The following IL1RAPL1 variants were observed in gnomAD, a reference collection of about 807,000 sequenced individuals.
The protein encoded by IL1RAPL1 is interleukin-1 receptor accessory protein-like 1.
Under a neutral mutation model 48.4 loss-of-function variants are expected in IL1RAPL1, and 3 were observed. The ratio of observed to expected loss-of-function variants is 0.06; its 90% CI spans 0.03 to 0.16. IL1RAPL1 has a LOEUF of 0.16. Ranked by LOEUF, IL1RAPL1 falls within the 10% of genes least tolerant of loss-of-function variation. The probability of loss-of-function intolerance (pLI) is 1.00; values close to 1 mark genes in which losing one functional copy is unlikely to be tolerated. For missense variants in IL1RAPL1, 349 were observed against 530.6 expected (o/e 0.66, Z 3.36); for synonymous variants, 185 against 187.7 (o/e 0.99, Z 0.12).
intron 1 of IL1RAPL1, among the ~76,000 whole-genome samples, chrX:28,722,019 C>G (rs1935590496): frequency 9.0e-6 from 1 of 111,393 alleles, no homozygotes; most frequent in Non-Finnish European, 1.9e-5. Flanking sequence ...AGTTTGAAGT[C>G]AGGTAGCATG....
chrX:29,648,522 A>G (rs1432098060), intron 5 of IL1RAPL1, among the ~76,000 whole-genome samples: 8 of 111,995 alleles, frequency 7.1e-5, no homozygotes. Flanking sequence ...AAATTAAACA[A>G]CATGCCCCTG....
chrX:29,629,090 A>C (rs1363404870), intron 5 of IL1RAPL1, among the ~76,000 whole-genome samples: 1 of 112,170 alleles, frequency 8.9e-6, no homozygotes, highest in Non-Finnish European at 1.9e-5. Flanking sequence ...AGCCTCTAGG[A>C]ATAAAGATTT....
At chrX:29,572,106 G>A (rs961941132) in intron 5 of IL1RAPL1, among the ~76,000 whole-genome samples, 2 of 111,642 alleles carry the variant, frequency 1.8e-5, no homozygotes, top group African/African-American at 3.3e-5. Context: ...TTTATTTTTC[G>A]TGTCTCTAGT....
At chrX:28,764,236 G>A (rs1266173234) in intron 1 of IL1RAPL1, among the ~76,000 whole-genome samples, 4 of 111,391 alleles carry the variant, frequency 3.6e-5, no homozygotes, top group South Asian at 7.6e-4. Flanking sequence ...ATGGGGCCAC[G>A]AGAATTCCAG....
At chrX:29,535,670 A>G (rs1369810466) in intron 5 of IL1RAPL1, among the ~76,000 whole-genome samples, 1 of 112,430 alleles carries the variant, frequency 8.9e-6, no homozygotes, top group Non-Finnish European at 1.9e-5. Context: ...TAAGGAGAAC[A>G]CAAGAAACAG....
chrX:29,068,576 A>T (rs1927497715), intron 2 of IL1RAPL1, among the ~76,000 whole-genome samples: 1 of 112,636 alleles, frequency 8.9e-6, no homozygotes, highest in Non-Finnish European at 1.9e-5. Context: ...TTTTCCAGGT[A>T]CAGAGAGATG....
chrX:28,695,448 CA>C (rs1056272044), intron 1 of IL1RAPL1, among the ~76,000 whole-genome samples: 3 of 111,460 alleles, frequency 2.7e-5, no homozygotes, highest in Non-Finnish European at 5.7e-5. Context: ...TTCTTAAATA[CA>C]AAAATCTATA....
chrX:29,367,552 T>TTATTTTTATTTATTTA (rs758434894), intron 3 of IL1RAPL1, among the ~76,000 whole-genome samples: 12 of 98,515 alleles, frequency 1.2e-4, no homozygotes, highest in African/African-American at 4.6e-4. Context: ...TTCTATTTAT[T>TTATTTTTATTTATTTA]TTTATTTATT....
At chrX:29,126,427 T>C (rs1928901539) in intron 2 of IL1RAPL1, among the ~76,000 whole-genome samples, 1 of 112,462 alleles carries the variant, frequency 8.9e-6, no homozygotes, top group Admixed American at 9.4e-5. Flanking sequence ...CGCTCTCACA[T>C]ATTAAACTAC....
chrX:29,045,452 A>G (rs1602027343), intron 2 of IL1RAPL1, among the ~76,000 whole-genome samples: 1 of 111,810 alleles, frequency 8.9e-6, no homozygotes, highest in Non-Finnish European at 1.9e-5. Flanking sequence ...TTCATCGTAC[A>G]TGTACATATT....
chrX:29,127,900 G>A (rs1928931924), intron 2 of IL1RAPL1, among the ~76,000 whole-genome samples: 1 of 108,938 alleles, frequency 9.2e-6, no homozygotes, highest in Admixed American at 9.9e-5. Flanking sequence ...GGAGGCAGAG[G>A]TTGCAGTGAG....
intron 1 of IL1RAPL1, among the ~76,000 whole-genome samples, chrX:28,628,932 T>C (rs1934370643): frequency 8.9e-6 from 1 of 112,417 alleles, no homozygotes; most frequent in Non-Finnish European, 1.9e-5. Flanking sequence ...TAATTCTTAT[T>C]CTCTAACTCA....
chrX:29,418,090 A>T (rs1212340722), intron 5 of IL1RAPL1, among the ~76,000 whole-genome samples: 59 of 51,044 alleles, frequency 1.2e-3, no homozygotes, highest in Non-Finnish European at 1.8e-3. Flanking sequence ...TTAAAAAAGT[A>T]ATATATATAT....
At chrX:28,850,825 C>A (rs1035853604) in intron 2 of IL1RAPL1, among the ~76,000 whole-genome samples, 1 of 106,590 alleles carries the variant, frequency 9.4e-6, no homozygotes, top group African/African-American at 3.5e-5. Flanking sequence ...AACTTATATA[C>A]CCCTATGGTT....
At chrX:29,903,691 T>C (rs1932547646) in intron 6 of IL1RAPL1, among the ~76,000 whole-genome samples, 1 of 111,863 alleles carries the variant, frequency 8.9e-6, no homozygotes, top group South Asian at 3.8e-4. Flanking sequence ...TTGTTTTTCC[T>C]CTAAGACCCC....
intron 5 of IL1RAPL1, among the ~76,000 whole-genome samples, chrX:29,414,210 G>T (rs1934185223): frequency 9.0e-6 from 1 of 110,577 alleles, no homozygotes; most frequent in Non-Finnish European, 1.9e-5. Context: ...GGAAGTTATT[G>T]TTCAGTAGTT....
At chrX:29,800,880 A>G (rs1299513978) in intron 6 of IL1RAPL1, among the ~76,000 whole-genome samples, 10 of 100,151 alleles carry the variant, frequency 1.0e-4, no homozygotes, top group African/African-American at 3.2e-4. Flanking sequence ...CATGCCTGTA[A>G]TCCCAGCTAC....
Position 29,335,273 on chromosome X carries a change from C to CG in IL1RAPL1, c.362+52058dup, listed in dbSNP as rs1447338558. 6.4e-4 allele frequency among the ~76,000 whole-genome samples: 10 copies of CG among 15,733 alleles called. 1 individual carries two copies. The highest frequency in any genetic ancestry group is 8.8e-4 in the African/African-American group (4 of 4,565). 13.7% of individuals were successfully genotyped at this position (15,733 alleles called of 115,157 possible). On this transcript the variant is annotated intron_variant, in intron 3 of 10. Transcript: ENST00000378993. ...CCGTGGAGGGAGACGGAGACGGAGACGGAGAGGGGAGAGGGGAGAGGGGAG... is the reference window on the plus strand; with the variant it reads ...CCGTGGAGGGAGACGGAGACGGAGACGGGAGAGGGGAGAGGGGAGAGGGGAG...
In IL1RAPL1 at chrX:29,956,678, A is replaced by T. The variant is rs1933428546; in HGVS notation, c.*858A>T. On this transcript the variant is annotated 3_prime_UTR_variant, in exon 11 of 11. Transcript: ENST00000378993. The stretch of plus-strand genomic sequence containing the variant: ...TTATATATATATACATATATATATA[A>T]ATATAAATATATATAAAAACAACAA... 1.9e-5 allele frequency: 2 copies of T among 103,446 alleles called. No individual in the cohort carries two copies. Among genetic ancestry groups the T allele is most frequent in the South Asian group, 4.3e-4 (1 of 2,342 alleles). The allele number at this position is 103,446 out of a possible 1,213,427, so 8.5% of individuals were successfully genotyped here.
Sources: gnomAD v4.1 joint callset for allele counts (sites outside exome capture counted in the v4.1 genomes callset) on GRCh38, gnomAD v4.1.1 for gene constraint, MANE v1.5 for transcripts, NCBI Gene and HGNC (gene_info 2026-07-23, HGNC 2026-07-21) for gene names.